SMAP2: variants seen among roughly 807,000 people sequenced by gnomAD.
The protein encoded by SMAP2 is small ArfGAP2, also known as stromal membrane-associated protein 2.
Under a neutral mutation model 56.4 loss-of-function variants are expected in SMAP2, and 25 were observed. That is an observed-to-expected ratio of 0.44 (90% CI 0.32 to 0.62). SMAP2 has a LOEUF of 0.62. Among genes scored for constraint, SMAP2 ranks in the 20% least tolerant of loss-of-function variants. The pLI is 0.04. For missense variants in SMAP2, 388 were observed against 545.6 expected, an observed-to-expected ratio of 0.71 and a Z score of 2.88; for synonymous variants, 157 against 181.7, an observed-to-expected ratio of 0.86 and a Z score of 1.09.
rs1644906558 is a variant in SMAP2, at chr1:40,408,541, C to T, written c.238-112C>T. Reference sequence around the variant, plus strand: ...GAATACACAAGTTTAAATGTTGGTTCTGACACTCTCTAGGTTGGTTCTTCA... The same window carrying T: ...GAATACACAAGTTTAAATGTTGGTTTTGACACTCTCTAGGTTGGTTCTTCA... On this transcript the variant is annotated intron_variant, in intron 2 of 9. Coordinates refer to ENST00000372718, the MANE Select transcript of SMAP2 (RefSeq NM_022733.3). The surrounding 1 kb of genome is among the most constrained non-coding windows in gnomAD (Gnocchi z 4.3). 1.3e-6 allele frequency: 1 copy of T among 754,308 alleles called. No individual in the cohort carries two copies. The highest frequency in any genetic ancestry group is 1.8e-5 in the African/African-American group (1 of 56,362). 46.7% of individuals were successfully genotyped at this position (754,308 alleles called of 1,614,324 possible).
intron 4 of SMAP2, among the ~76,000 whole-genome samples, chr1:40,410,760 G>A (rs1208015667): frequency 6.6e-6 from 1 of 152,130 alleles, no homozygotes; most frequent in African/African-American, 2.4e-5. Context: ...CAGACAGCAT[G>A]ATTTCTGAAA....
chr1:40,381,387 G>A (rs971963258), intron 1 of SMAP2, among the ~76,000 whole-genome samples: 6 of 152,208 alleles, frequency 3.9e-5, no homozygotes, highest in Non-Finnish European at 7.4e-5. Context: ...AAGCATTGAA[G>A]AAGGCAAAGA....
rs188369925 is a variant in SMAP2, at chr1:40,364,252, G to A, written c.55+1816G>A. Among the ~76,000 whole-genome samples, 633 of 151,734 alleles carry A rather than the reference G, an allele frequency of 4.2e-3. 4 individuals carry two copies. The highest frequency in any genetic ancestry group is 6.4e-3 in the Admixed American group (97 of 15,228). On this transcript the variant is annotated intron_variant, in intron 2 of 6. Coordinates refer to the SMAP2 transcript ENST00000435168. ...TCTCTAGTATAGTGGTTTTTATTTT[G>A]TCCTTATTTATGTGAGTTGGGGTTT...
At chr1:40,418,886 T>C (rs1030074715) in intron 9 of SMAP2, among the ~76,000 whole-genome samples, 4 of 152,184 alleles carry the variant, frequency 2.6e-5, no homozygotes, top group African/African-American at 9.7e-5. Flanking sequence ...CTTACAAGAC[T>C]TTCCTGGGGA....
intron 1 of SMAP2, among the ~76,000 whole-genome samples, chr1:40,375,338 G>A (rs1644531321): frequency 6.6e-6 from 1 of 152,220 alleles, no homozygotes; most frequent in East Asian, 1.9e-4. Flanking sequence ...GTACAGCGTA[G>A]TGGGCATATA....
At chr1:40,348,765 ATTTC>A (rs556114015) in intron 1 of SMAP2, among the ~76,000 whole-genome samples, 2,215 of 150,402 alleles carry the variant, frequency 0.015, 51 homozygotes, top group African/African-American at 0.051. Context: ...ATAAAATACT[ATTTC>A]TTTCTTTCTT....
intron 1 of SMAP2, among the ~76,000 whole-genome samples, chr1:40,346,040 C>G (rs1213686565): frequency 8.2e-6 from 1 of 121,924 alleles, no homozygotes; most frequent in Non-Finnish European, 1.6e-5. Flanking sequence ...GTCTCAAATT[C>G]CTGAACTCAA....
intron 1 of SMAP2, among the ~76,000 whole-genome samples, chr1:40,349,624 T>C (rs887237939): frequency 1.3e-5 from 2 of 152,216 alleles, no homozygotes. Flanking sequence ...GTTCAAGTGA[T>C]TCTCGTGCCT....
intron 9 of SMAP2, 29 bp from the exon 10 acceptor site, chr1:40,421,947 G>A (rs760206001): frequency 4.3e-6 from 7 of 1,613,690 alleles, no homozygotes; most frequent in Non-Finnish European, 5.9e-6. Flanking sequence ...CCCACAGCCT[G>A]GTCTGAAAGT....
chr1:40,398,341 C>T (rs201010743), intron 1 of SMAP2, among the ~76,000 whole-genome samples: 1 of 25,592 alleles, frequency 3.9e-5, no homozygotes, highest in Non-Finnish European at 6.3e-5. Context: ...GCAGTACTCC[C>T]GCTCAGCCTC....
chr1:40,401,311 A>T (rs1459240721), intron 1 of SMAP2, among the ~76,000 whole-genome samples: 1 of 152,156 alleles, frequency 6.6e-6, no homozygotes, highest in Non-Finnish European at 1.5e-5. Flanking sequence ...TAGGTGAGAC[A>T]TGAGGTCTAG....
At chr1:40,380,443 T>C (rs1464732243) in intron 1 of SMAP2, among the ~76,000 whole-genome samples, 1 of 152,234 alleles carries the variant, frequency 6.6e-6, no homozygotes, top group Non-Finnish European at 1.5e-5. Flanking sequence ...TTGTTTTCTG[T>C]TGATAGCCAA....
intron 1 of SMAP2, chr1:40,375,946 ATTTTATTTTTTAT>A (rs1644537330): frequency 9.8e-6 from 2 of 203,274 alleles, no homozygotes; most frequent in South Asian, 3.5e-4. Context: ...CTTTTTATTT[ATTTTATTTTTTAT>A]TTTTATTTTT....
chr1:40,404,256 AG>A (rs1393732100), intron 1 of SMAP2, among the ~76,000 whole-genome samples: 2 of 152,236 alleles, frequency 1.3e-5, no homozygotes, highest in Admixed American at 1.3e-4. Context: ...CAAAACTAAA[AG>A]AGATTGAGTA....
intron 1 of SMAP2, among the ~76,000 whole-genome samples, chr1:40,347,147 G>T (rs923049509): frequency 2.6e-5 from 4 of 151,588 alleles, no homozygotes; most frequent in African/African-American, 9.7e-5. Context: ...AGGTTCAAGC[G>T]ATTCTTCAGC....
intron 1 of SMAP2, among the ~76,000 whole-genome samples, chr1:40,353,272 A>C (rs1644417857): frequency 6.6e-6 from 1 of 152,174 alleles, no homozygotes; most frequent in Non-Finnish European, 1.5e-5. Context: ...AAGATGATGC[A>C]ATGTTTAGAG....
At chr1:40,345,351 C>T (rs1644381433) in intron 1 of SMAP2, among the ~76,000 whole-genome samples, 1 of 151,950 alleles carries the variant, frequency 6.6e-6, no homozygotes, top group Admixed American at 6.6e-5. Context: ...CATGATCGTG[C>T]CACTGCACTC....
chr1:40,412,488 T>A (rs1225762377), intron 4 of SMAP2, among the ~76,000 whole-genome samples: 1 of 152,228 alleles, frequency 6.6e-6, no homozygotes, highest in Non-Finnish European at 1.5e-5. Flanking sequence ...TACATTTAGA[T>A]GTTTATTTGA....
rs1278148275 is a variant in SMAP2, at chr1:40,373,882, C to G, written c.-239C>G. ...CTGAGGGTCTCTGGCCCCGCAGCCTCTCTTGGAGGCGGGCCTGTCCCTAAG... is the reference window on the plus strand; with the variant it reads ...CTGAGGGTCTCTGGCCCCGCAGCCTGTCTTGGAGGCGGGCCTGTCCCTAAG... On this transcript the variant is annotated 5_prime_UTR_variant, in exon 1 of 10. Transcript: ENST00000372718. 3 of 436,686 alleles carry G rather than the reference C, an allele frequency of 6.9e-6. No individual in the cohort carries two copies. The highest frequency in any genetic ancestry group is 2.1e-5 in the African/African-American group (1 of 47,378). 27.1% of individuals were successfully genotyped at this position (436,686 alleles called of 1,614,324 possible). A position where few individuals can be genotyped will look rare whatever the true frequency, so the allele number is the denominator to read the frequency against.
Sources: allele counts gnomAD v4.1 joint callset (sites outside exome capture counted in the v4.1 genomes callset), GRCh38; gene constraint gnomAD v4.1.1; non-coding constraint Gnocchi (gnomAD v3.1); transcripts MANE v1.5; gene names NCBI Gene and HGNC (gene_info 2026-07-23, HGNC 2026-07-21).